The following RESF1 variants were observed in gnomAD, a reference collection of about 807,000 sequenced individuals.
RESF1 encodes gonad expressed transcript.
RESF1 carries 65 observed loss-of-function variants against 134.7 expected under a neutral mutation model. That is an observed-to-expected ratio of 0.48 (90% CI 0.40 to 0.59). The LOEUF (loss-of-function observed/expected upper bound fraction) is 0.59, where lower values mean the gene tolerates loss of function less well. Ranked by LOEUF, RESF1 falls within the 20% of genes least tolerant of loss-of-function variation. RESF1 has a pLI of 0.00. For missense variants in RESF1, 2,274 were observed against 2,002.7 expected (o/e 1.14, Z -2.59); for synonymous variants, 762 against 702.2 (o/e 1.09, Z -1.35).
chr12:31,987,244 G>A lies in RESF1; in HGVS notation c.5008G>A (p.Gly1670Arg). The change falls in exon 5 of 6, where the codon GGA (glycine) becomes AGA (arginine). Residue 1670 changes from glycine to arginine, a missense_variant. Transcript: ENST00000312561. ...RKEQAPLQVS[G>R]IKSTKEDWLK... ...GAAAATGAATATTTAAATAGTTTCAGGAATAAAAAGTACAAAAGAAGACTG... is the reference window on the plus strand; with the variant it reads ...GAAAATGAATATTTAAATAGTTTCAAGAATAAAAAGTACAAAAGAAGACTG... 6.5e-7 allele frequency: 1 copy of A among 1,528,778 alleles called. No homozygotes were observed. The highest frequency in any genetic ancestry group is 9.1e-7 in the Non-Finnish European group (1 of 1,104,350). The allele number at this position is 1,528,778 out of a possible 1,614,324, so 94.7% of individuals were successfully genotyped here. A position where few individuals can be genotyped will look rare whatever the true frequency, so the allele number is the denominator to read the frequency against.
chr12:31,982,260 T>A lies in RESF1; in HGVS notation c.1305T>A (p.Ser435Arg). ...GCIKMTNTSY[S>R]EPAQNSKLSL... ...TTAAAATGACTAATACTTCTTATAG[T>A]GAACCAGCTCAGAATTCTAAATTGT... The change falls in exon 4 of 6, where the codon AGT becomes AGA. Residue 435 changes from serine to arginine, a missense_variant. Physicochemically the swap from Ser to Arg is moderately radical, Grantham distance 110. Transcript: ENST00000312561. 1 of 1,614,068 alleles carries A rather than the reference T, an allele frequency of 6.2e-7. No homozygotes were observed. Among genetic ancestry groups the A allele is most frequent in the Non-Finnish European group, 8.5e-7 (1 of 1,180,018 alleles).
intron 3 of RESF1, among the ~76,000 whole-genome samples, chr12:31,971,330 C>T (rs537714557): frequency 2.0e-5 from 3 of 152,222 alleles, no homozygotes; most frequent in Middle Eastern, 3.4e-3. Context: ...TTGGTGGAGA[C>T]GGGGTTTCAC....
At position 31,984,746 on chromosome 12, in the gene RESF1, A is replaced by G. The variant is rs375024230; in HGVS notation, c.3791A>G (p.His1264Arg). ...AGAAAAGATACACCCAAAACAAAAC[A>G]TAAAAGCTTACCAAGGACAGAACAA... ...DSRKDTPKTK[H>R]KSLPRTEQEL... Residue 1264 changes from histidine (H) to arginine (R), a missense_variant, in exon 4 of 6, where the codon CAT becomes CGT. Transcript: ENST00000312561. 1 of 1,611,710 alleles carries G rather than the reference A, an allele frequency of 6.2e-7. No individual in the cohort carries two copies. Among genetic ancestry groups the G allele is most frequent in the Non-Finnish European group, 8.5e-7 (1 of 1,179,556 alleles).
At chr12:31,987,758 CAG>C (rs1940007696) in intron 5 of RESF1, among the ~76,000 whole-genome samples, 2 of 151,154 alleles carry the variant, frequency 1.3e-5, no homozygotes, top group African/African-American at 4.9e-5. Flanking sequence ...TATTTTGAGA[CAG>C]AGTCTCACTC....
At chr12:31,965,235 GCGTGAGCCACTGCTC>G (rs1939371605) in intron 2 of RESF1, among the ~76,000 whole-genome samples, 2 of 152,144 alleles carry the variant, frequency 1.3e-5, no homozygotes, top group Admixed American at 1.3e-4. Flanking sequence ...GGAATTACAG[GCGTGAGCCACTGCTC>G]CCTGCCGGCT....
At chr12:31,973,718 C>T (rs113925411) in intron 3 of RESF1, among the ~76,000 whole-genome samples, 3,269 of 152,088 alleles carry the variant, frequency 0.021, 50 homozygotes, top group Middle Eastern at 0.044. Context: ...AGTTTCCCTT[C>T]CTACCCATAT....
At position 31,983,568 on chromosome 12, in the gene RESF1, C is replaced by T. The variant is rs147381855; in HGVS notation, c.2613C>T (p.Asn871=). The change falls in exon 4 of 6, where the codon AAC becomes AAT. Residue 871 remains asparagine (N), a synonymous_variant. Coordinates refer to ENST00000312561, the MANE Select transcript of RESF1 (RefSeq NM_018169.4). ...AGTCAGCTATCCATTCTCCTATGAA[C>T]GATCAGCAAATCTCACAGGAGTCAA... ...KLESAIHSPM[N]DQQISQESRN... 27 of 1,613,800 alleles carry T rather than the reference C, an allele frequency of 1.7e-5. No homozygotes were observed. The highest frequency in any genetic ancestry group is 9.9e-5 in the South Asian group (9 of 91,082).
intron 1 of RESF1, among the ~76,000 whole-genome samples, chr12:31,960,412 G>A (rs1331720456): frequency 1.3e-5 from 2 of 152,098 alleles, no homozygotes; most frequent in East Asian, 3.8e-4. Flanking sequence ...CTTTAATCAT[G>A]TTTCAGTCAC....
intron 3 of RESF1, among the ~76,000 whole-genome samples, chr12:31,976,083 A>C (rs1939623718): frequency 6.6e-6 from 1 of 152,214 alleles, no homozygotes; most frequent in African/African-American, 2.4e-5. Flanking sequence ...TTTTCTTGCC[A>C]ACATGTGGTA....
At chr12:31,966,686 T>C (rs1447199370) in intron 2 of RESF1, among the ~76,000 whole-genome samples, 1 of 152,200 alleles carries the variant, frequency 6.6e-6, no homozygotes, top group African/African-American at 2.4e-5. Context: ...TTTAGCTTAC[T>C]TGGCTCTGCA....
Position 31,959,419 on chromosome 12 carries a change from G to C in RESF1, c.-414G>C, listed in dbSNP as rs1420180406. ...CCGCCCCTGGAGGCGGACCCCACTT[G>C]ACTTAAACTCTGGGGCCCGGGAGGC... On this transcript the variant is annotated 5_prime_UTR_variant, in exon 1 of 6. Coordinates refer to ENST00000312561, the MANE Select transcript of RESF1 (RefSeq NM_018169.4). 6.6e-6 allele frequency: 1 copy of C among 152,522 alleles called. No individual in the cohort carries two copies. Among genetic ancestry groups the C allele is most frequent in the Non-Finnish European group, 1.5e-5 (1 of 68,312 alleles). 9.4% of individuals were successfully genotyped at this position (152,522 alleles called of 1,614,324 possible). A position where few individuals can be genotyped will look rare whatever the true frequency, so the allele number is the denominator to read the frequency against.
intron 3 of RESF1, among the ~76,000 whole-genome samples, chr12:31,977,516 A>G (rs1939662372): frequency 6.6e-6 from 1 of 152,044 alleles, no homozygotes; most frequent in Non-Finnish European, 1.5e-5. Context: ...ACGATAATCT[A>G]CCTGGGATTG....
intron 3 of RESF1, among the ~76,000 whole-genome samples, chr12:31,973,498 C>A (rs1416604649): frequency 6.7e-6 from 1 of 150,040 alleles, no homozygotes; most frequent in African/African-American, 2.4e-5. Context: ...TCTGCATCTG[C>A]CACTCTACTG....
chr12:31,970,335 A>G lies in RESF1; in HGVS notation c.-100A>G, dbSNP rs2120790103. 6.6e-6 allele frequency: 1 copy of G among 152,368 alleles called. No homozygotes were observed. Among genetic ancestry groups the G allele is most frequent in the South Asian group, 2.1e-4 (1 of 4,834 alleles). 9.4% of individuals were successfully genotyped at this position (152,368 alleles called of 1,614,324 possible). Reference sequence around the variant, plus strand: ...CCTAGAAGTCTACTAATGGACAGTTAGTCACCCACCTACATGTTGAGGTAC... The same window carrying G: ...CCTAGAAGTCTACTAATGGACAGTTGGTCACCCACCTACATGTTGAGGTAC... On this transcript the variant is annotated 5_prime_UTR_variant, in exon 3 of 6. It removes the in-frame stop codon of an upstream open reading frame in the 5' UTR. Transcript: ENST00000312561.
At position 31,985,945 on chromosome 12, in the gene RESF1, G is replaced by C. The variant is rs758071314; in HGVS notation, c.4990G>C (p.Ala1664Pro). ...AAAGCCTCATCCTAGGAAGGAGCAA[G>C]CCCCTCTGCAAGGTCCAGTATGATT... The part of the protein sequence containing the change: ...DVKPHPRKEQ[A>P]PLQVSGIKST... The change falls in exon 4 of 6, where the codon GCC (alanine) becomes CCC (proline). Residue 1664 changes from alanine (A) to proline (P), a missense_variant. Physicochemically the swap from Ala to Pro is conservative, Grantham distance 27. Coordinates refer to ENST00000312561, the MANE Select transcript of RESF1 (RefSeq NM_018169.4). 27 of 1,484,762 alleles carry C rather than the reference G, an allele frequency of 1.8e-5. No individual in the cohort carries two copies. Among genetic ancestry groups the C allele is most frequent in the Admixed American group, 5.3e-5 (2 of 37,910 alleles). The allele number at this position is 1,484,762 out of a possible 1,614,324, so 92.0% of individuals were successfully genotyped here.
At chr12:31,977,418 T>C (rs977535233) in intron 3 of RESF1, among the ~76,000 whole-genome samples, 3 of 152,174 alleles carry the variant, frequency 2.0e-5, no homozygotes, top group Non-Finnish European at 4.4e-5. Flanking sequence ...ACTTCTGACC[T>C]CAGGTGATCT....
chr12:31,967,267 A>G (rs934795684), intron 2 of RESF1, among the ~76,000 whole-genome samples: 4 of 152,164 alleles, frequency 2.6e-5, no homozygotes, highest in East Asian at 1.9e-4. Context: ...AGCATAGAGA[A>G]CTGTTCTGCC....
intron 4 of RESF1, 197 bp from the exon 5 acceptor site, chr12:31,987,042 G>A (rs1301893440): frequency 1.3e-5 from 6 of 449,256 alleles, no homozygotes; most frequent in Non-Finnish European, 2.4e-5. Flanking sequence ...ACATAGTAAA[G>A]ATAAACTCAT....
In RESF1 at chr12:31,982,926, A is replaced by G. The variant is rs1592261899; in HGVS notation, c.1971A>G (p.Thr657=). 3 of 1,614,092 alleles carry G rather than the reference A, an allele frequency of 1.9e-6. No homozygotes were observed. In the East Asian group the frequency reaches 6.7e-5, roughly 36 times the overall value. Residue 657 remains threonine (T), a synonymous_variant, in exon 4 of 6, where the codon ACA becomes ACG. Coordinates refer to ENST00000312561, the MANE Select transcript of RESF1 (RefSeq NM_018169.4). ...TTTGCAGTGGACAAGAATCCTCAAC[A>G]AAAGGAATGCCTGCTAAAAGTGACA... ...NSFCSGQESS[T]KGMPAKSDSS... is the part of the protein sequence containing the mutation.
Sources: allele counts gnomAD v4.1 joint callset (sites outside exome capture counted in the v4.1 genomes callset), GRCh38; gene constraint gnomAD v4.1.1; transcripts MANE v1.5; gene names NCBI Gene and HGNC (gene_info 2026-07-23, HGNC 2026-07-21).